Variants in NCKAP5 observed in about 807,000 individuals in gnomAD.
The protein encoded by NCKAP5 is NCK associated protein 5.
A neutral mutation model predicts 167.0 loss-of-function variants in NCKAP5; 92 were observed. The ratio of observed to expected loss-of-function variants is 0.55; its 90% CI spans 0.47 to 0.66. The LOEUF (loss-of-function observed/expected upper bound fraction) is 0.66, where lower values mean the gene tolerates loss of function less well. NCKAP5 is among the 30% of genes least tolerant of loss of function. The pLI is 0.00. For missense variants in NCKAP5, 2,378 were observed against 2,315.0 expected, an observed-to-expected ratio of 1.03 and a Z score of -0.56; for synonymous variants, 891 against 877.4, an observed-to-expected ratio of 1.02 and a Z score of -0.27.
At chr2:132,800,330 G>A (rs191246181) in intron 11 of NCKAP5, among the ~76,000 whole-genome samples, 3 of 152,046 alleles carry the variant, frequency 2.0e-5, no homozygotes, top group Admixed American at 1.3e-4. Flanking sequence ...TCTTTAACCT[G>A]CAAATCCCAA....
chr2:133,642,745 T>G, the NCKAP5 span, among the ~76,000 whole-genome samples: 1 of 152,220 alleles, frequency 6.6e-6, no homozygotes, highest in South Asian at 2.1e-4. Context: ...GATAATGTAG[T>G]GAGAAATCCA....
chr2:132,844,036 T>C (rs1287044761), intron 11 of NCKAP5, among the ~76,000 whole-genome samples: 2 of 149,508 alleles, frequency 1.3e-5, no homozygotes, highest in Middle Eastern at 3.2e-3. Context: ...ACTTTTACCC[T>C]TCTCCTCCAC....
chr2:133,626,341 C>T, the NCKAP5 span, among the ~76,000 whole-genome samples: 22 of 152,182 alleles, frequency 1.4e-4, no homozygotes, highest in East Asian at 4.1e-3. Flanking sequence ...TACCAAGTTA[C>T]AGGGAATACA....
At chr2:132,735,200 C>T (rs1159182741) in intron 16 of NCKAP5, among the ~76,000 whole-genome samples, 1 of 152,170 alleles carries the variant, frequency 6.6e-6, no homozygotes, top group Non-Finnish European at 1.5e-5. Flanking sequence ...TTTACTTTGC[C>T]TCCTGATATG....
chr2:132,693,589 T>C (rs1388578344), intron 19 of NCKAP5, among the ~76,000 whole-genome samples: 1 of 118,134 alleles, frequency 8.5e-6, no homozygotes, highest in Non-Finnish European at 2.0e-5. Context: ...TCCAGAAATG[T>C]GAAAGAATAC....
At chr2:133,662,007 A>G in the NCKAP5 span, among the ~76,000 whole-genome samples, 14 of 152,272 alleles carry the variant, frequency 9.2e-5, no homozygotes, top group African/African-American at 3.4e-4. Flanking sequence ...CAGATCCCAG[A>G]TCCTTAATTT....
rs537114444 is a variant in NCKAP5 at position 132,712,467 on chromosome 2, C to A, written c.5713+13160G>T. Among the ~76,000 whole-genome samples, 35 of 152,154 alleles carry A rather than the reference C, an allele frequency of 2.3e-4. No homozygotes were observed. In the East Asian group the frequency reaches 2.7e-3, roughly 12 times the overall value. On this transcript the variant is annotated intron_variant, in intron 19 of 19. Transcript: ENST00000409261. ...GAGATTGGGACCATCCTGGCTAACA[C>A]AGTGAAACCCCGTCTTTACTAAAAA...
At chr2:133,273,167 G>T (rs911119098) in intron 4 of NCKAP5, among the ~76,000 whole-genome samples, 1 of 152,112 alleles carries the variant, frequency 6.6e-6, no homozygotes, top group African/African-American at 2.4e-5. Context: ...ATTCCCACCA[G>T]CAATGTCTCA....
chr2:132,740,209 C>T (rs1488693373), intron 16 of NCKAP5, among the ~76,000 whole-genome samples: 1 of 152,154 alleles, frequency 6.6e-6, no homozygotes, highest in Non-Finnish European at 1.5e-5. Context: ...TACAATGAGG[C>T]CCCAACATAA....
In NCKAP5 at chr2:132,959,972, A is replaced by C. The variant is rs554571268; in HGVS notation, c.579+3748T>G. Among the ~76,000 whole-genome samples the C allele has an allele frequency of 6.6e-5, 10 of 152,292 alleles. No homozygotes were observed. The East Asian group carries it at 1.9e-3, about 29-fold the overall frequency. ...TGCCCTATGACACCAATATACACCA[A>C]GTGATTTCTCCTCCAGGCACCAGGA... On this transcript the variant is annotated intron_variant, in intron 8 of 19. Transcript: ENST00000409261.
At chr2:133,464,982 G>GA (rs1204904154) in intron 3 of NCKAP5, among the ~76,000 whole-genome samples, 1 of 151,516 alleles carries the variant, frequency 6.6e-6, no homozygotes, top group Non-Finnish European at 1.5e-5. Context: ...TAAATACACA[G>GA]AATAGTATCT....
At position 132,784,129 on chromosome 2, in the gene NCKAP5, C is replaced by T. The variant is rs1490685274; in HGVS notation, c.2682G>A (p.Gly894=). Residue 894 remains glycine (G), a synonymous_variant, in exon 14 of 20, where the codon GGG becomes GGA. Coordinates refer to ENST00000409261, the MANE Select transcript of NCKAP5 (RefSeq NM_207363.3). ...WVQCPKSQTP[G]SRSRPAIESS... ...ACTCAATGGCAGGCCTTGACCGTGA[C>T]CCTGGAGTCTGACTCTTGGGGCACT... The T allele has an allele frequency of 6.6e-7, 1 of 1,524,076 alleles. No individual in the cohort carries two copies. Among genetic ancestry groups the T allele is most frequent in the African/African-American group, 1.4e-5 (1 of 71,850 alleles). The allele number at this position is 1,524,076 out of a possible 1,614,324, so 94.4% of individuals were successfully genotyped here.
intron 4 of NCKAP5, among the ~76,000 whole-genome samples, chr2:133,232,825 G>T (rs1393293534): frequency 6.6e-6 from 1 of 152,094 alleles, no homozygotes; most frequent in African/African-American, 2.4e-5. Context: ...TTCATCATAT[G>T]TCTAATAATA....
chr2:133,644,730 AAC>A, the NCKAP5 span, among the ~76,000 whole-genome samples: 2 of 152,324 alleles, frequency 1.3e-5, no homozygotes, highest in Middle Eastern at 3.4e-3. Context: ...GCTCCTTGAA[AAC>A]ACAGACAAGG....
chr2:133,056,106 C>T (rs373198081), intron 6 of NCKAP5, among the ~76,000 whole-genome samples: 65 of 152,076 alleles, frequency 4.3e-4, no homozygotes, highest in African/African-American at 9.9e-4. Flanking sequence ...TTGAATATTC[C>T]GTCTGATGTG....
At chr2:132,920,713 ATATAT>A (rs1558942645) in intron 8 of NCKAP5, among the ~76,000 whole-genome samples, 2 of 97,558 alleles carry the variant, frequency 2.1e-5, no homozygotes, top group African/African-American at 9.8e-5. Flanking sequence ...GTATATGTAT[ATATAT>A]GTATATATAT....
rs137895130 is a variant in NCKAP5, at chr2:133,509,931, G to A, written c.69+7527C>T. Among the ~76,000 whole-genome samples the A allele has an allele frequency of 2.2e-4, 33 of 152,252 alleles. No homozygotes were observed. The East Asian group carries it at 5.0e-3, about 23-fold the overall frequency. ...GAAGGGGCGTGTTCATAAGAACTCC[G>A]GAACATGTGGCTTCGATGACAGCCT... On this transcript the variant is annotated intron_variant, in intron 3 of 19. Transcript: ENST00000409261.
chr2:133,085,433 TAACCACAC>T (rs1258710755), intron 6 of NCKAP5, among the ~76,000 whole-genome samples: 1 of 152,142 alleles, frequency 6.6e-6, no homozygotes, highest in Non-Finnish European at 1.5e-5. Flanking sequence ...AACAGATACA[TAACCACAC>T]ACAACATATA....
intron 8 of NCKAP5, among the ~76,000 whole-genome samples, chr2:132,921,796 T>G (rs1435958860): frequency 6.6e-6 from 1 of 152,166 alleles, no homozygotes; most frequent in Non-Finnish European, 1.5e-5. Flanking sequence ...TGGAGCTGAC[T>G]CCAATACAGC....
Sources: gnomAD v4.1 joint callset for allele counts (sites outside exome capture counted in the v4.1 genomes callset) on GRCh38, gnomAD v4.1.1 for gene constraint, MANE v1.5 for transcripts, NCBI Gene and HGNC (gene_info 2026-07-23, HGNC 2026-07-21) for gene names.